Variants in BSG observed in about 807,000 individuals in gnomAD.
BSG encodes the protein basigin.
A neutral mutation model predicts 43.1 loss-of-function variants in BSG; 37 were observed. The ratio of observed to expected loss-of-function variants is 0.86; its 90% CI spans 0.66 to 1.13. The LOEUF is 1.13. Among genes scored for constraint, BSG ranks in the 50% most tolerant of loss-of-function variants. The pLI is 0.00. For synonymous variants in BSG, 309 were observed against 238.7 expected (o/e 1.29, Z -2.72); for missense variants, 599 against 554.2 (o/e 1.08, Z -0.81).
intron 2 of BSG, 95 bp downstream of exon 2, chr19:578,216 C>T: frequency 8.0e-7 from 1 of 1,242,856 alleles, no homozygotes. Context: ...GACGCCTCCT[C>T]CCCTCTCCGT....
In BSG at chr19:582,498, G is replaced by A. The variant is rs568153540; in HGVS notation, c.1095-16G>A. 24 of 1,606,254 alleles carry A rather than the reference G, an allele frequency of 1.5e-5. No homozygotes were observed. The highest frequency in any genetic ancestry group is 2.0e-5 in the Non-Finnish European group (24 of 1,177,278). ...CTTGCGGGGGACACCCTCTCACCCG[G>A]CCCCTCGTGCCCCAGGAAGAGCAGC... On this transcript the variant is annotated splice_polypyrimidine_tract_variant and intron_variant, in intron 7 of 8. Coordinates refer to ENST00000333511, the MANE Select transcript of BSG (RefSeq NM_001728.4).
upstream of BSG, chr19:571,623 A>C (rs747515269): frequency 1.3e-6 from 1 of 779,284 alleles, no homozygotes; most frequent in South Asian, 1.3e-5. Context: ...TCCAAATGGG[A>C]TATTTGGGGG....
At chr19:572,458 A>G (rs901823562), upstream of BSG, 5 of 1,158,464 alleles carry the variant, frequency 4.3e-6, no homozygotes, top group Non-Finnish European at 5.3e-6. Context: ...CGGCGCGTAC[A>G]TGCGAGCGTG....
intron 2 of BSG, chr19:578,920 C>T (rs976929281): frequency 4.2e-5 from 18 of 424,658 alleles, no homozygotes; most frequent in Admixed American, 1.3e-4. Context: ...TTAGAAGAGA[C>T]GGGGTTTCAC....
rs200263783 is a variant in BSG at position 580,663 on chromosome 19, G to C, written c.673G>C (p.Ala225Pro). The change falls in exon 5 of 9, where the codon GCT (alanine) becomes CCT (proline). Residue 225 changes from alanine to proline, a missense_variant. Ala to Pro is a conservative substitution (Grantham distance 27, BLOSUM62 -1). Transcript: ENST00000333511. Reference sequence around the variant, plus strand: ...CCTGTCAGGGCCTCCCAGAGTGAAGGCTGTGAAGTCGTCAGAACACATCAA... The same window carrying C: ...CCTGTCAGGGCCTCCCAGAGTGAAGCCTGTGAAGTCGTCAGAACACATCAA... ...IQLHGPPRVK[A>P]VKSSEHINEG... 7.4e-6 allele frequency: 12 copies of C among 1,612,744 alleles called. No individual in the cohort carries two copies. The highest frequency in any genetic ancestry group is 1.0e-5 in the Non-Finnish European group (12 of 1,179,980).
rs773490450 is a variant in BSG at position 582,593 on chromosome 19, C to T, written c.*5+11C>T. On this transcript the variant is annotated intron_variant, in intron 8 of 8. Coordinates refer to ENST00000333511, the MANE Select transcript of BSG (RefSeq NM_001728.4). ...CTCTTCCTGAGGCAGGTGCGGTGGG[C>T]GGGAGCTCCTCCTGAGCCAGGTGTG... 1.4e-4 allele frequency: 138 copies of T among 1,008,194 alleles called. No homozygotes were observed. The highest frequency in any genetic ancestry group is 5.1e-4 in the South Asian group (19 of 37,526). 62.5% of individuals were successfully genotyped at this position (1,008,194 alleles called of 1,614,324 possible). A position where few individuals can be genotyped will look rare whatever the true frequency, so the allele number is the denominator to read the frequency against.
At chr19:572,467 T>TGTGCGCGC (rs971691187), upstream of BSG, 33 of 1,164,518 alleles carry the variant, frequency 2.8e-5, no homozygotes, top group African/African-American at 8.1e-5. Flanking sequence ...CATGCGAGCG[T>TGTGCGCGC]GTGCGCGCGT....
At chr19:575,969 A>G (rs541648314) in intron 1 of BSG, among the ~76,000 whole-genome samples, 9 of 152,276 alleles carry the variant, frequency 5.9e-5, no homozygotes, top group African/African-American at 1.4e-4. Flanking sequence ...TGACACGTCA[A>G]TACACAGACA....
intron 1 of BSG, among the ~76,000 whole-genome samples, chr19:573,340 G>A (rs1600474437): frequency 6.6e-6 from 1 of 152,258 alleles, no homozygotes; most frequent in Non-Finnish European, 1.5e-5. Context: ...GAGACTCTCT[G>A]GGGCCCCCGC....
chr19:572,817 C>G, intron 1 of BSG, 116 bp downstream of exon 1: 1 of 1,202,446 alleles, frequency 8.3e-7, no homozygotes, highest in Non-Finnish European at 1.1e-6. Flanking sequence ...GCCTGGGGTG[C>G]GAAAGGCCGG....
chr19:579,704 C>T (rs369274639), intron 3 of BSG, 48 bp downstream of exon 3: 3 of 1,562,016 alleles, frequency 1.9e-6, no homozygotes, highest in South Asian at 1.2e-5. Context: ...TCTCACGGCT[C>T]TCTTGCCGCC....
chr19:571,770 C>T (rs55706133), upstream of BSG: 1,230 of 624,420 alleles, frequency 2.0e-3, 17 homozygotes, highest in East Asian at 0.025. Context: ...AGCTTCTGTT[C>T]CTCTGTCCTT....
At chr19:580,611 C>T (rs371272578) in intron 4 of BSG, 35 bp from the exon 5 acceptor site, 28 of 1,611,384 alleles carry the variant, frequency 1.7e-5, no homozygotes, top group East Asian at 2.2e-5. Context: ...GGCGGGCCTG[C>T]GGTTCCAGGC....
chr19:576,733 AGT>A (rs1981802554), intron 1 of BSG, among the ~76,000 whole-genome samples: 1 of 148,026 alleles, frequency 6.8e-6, no homozygotes, highest in Non-Finnish European at 1.5e-5. Context: ...TGCTGAACAG[AGT>A]GAGACTCTGT....
intron 5 of BSG, 29 bp downstream of exon 5, chr19:580,811 G>A (rs11879178): frequency 0.059 from 60,849 of 1,024,280 alleles, 8,391 homozygotes; most frequent in East Asian, 0.32. Flanking sequence ...TGGGGGTCCT[G>A]GACCCAGCCC....
At position 582,326 on chromosome 19, in the gene BSG, C is replaced by T. The variant is rs774338462; in HGVS notation, c.1090C>T (p.Pro364Ser). 6.3e-7 allele frequency: 1 copy of T among 1,598,982 alleles called. No homozygotes were observed. The highest frequency in any genetic ancestry group is 1.1e-5 in the South Asian group (1 of 88,916). The change falls in exon 7 of 9, where the codon CCC becomes TCC. Residue 364 changes from proline to serine, a missense_variant. Transcript: ENST00000333511. ...TTCAGATGACGACGCCGGCTCTGCA[C>T]CCCTGTAAGTTCCAGCTGTGGGGGT... ...VLDDDDAGSA[P>S]LKSSGQHQND...
Position 578,323 on chromosome 19 carries a change from T to C in BSG, c.415+202T>C, listed in dbSNP as rs1981968971. On this transcript the variant is annotated intron_variant, in intron 2 of 8. Transcript: ENST00000333511. ...GACCACCAGCGCTGGGCGGCCTGGCTCGGGGCAGGCAGGGCTCTGCCCTCC... is the reference window on the plus strand; with the variant it reads ...GACCACCAGCGCTGGGCGGCCTGGCCCGGGGCAGGCAGGGCTCTGCCCTCC... 1.8e-5 allele frequency: 9 copies of C among 495,188 alleles called. No individual in the cohort carries two copies. In the South Asian group the frequency reaches 3.3e-4, roughly 18 times the overall value. 30.7% of individuals were successfully genotyped at this position (495,188 alleles called of 1,614,324 possible). A position where few individuals can be genotyped will look rare whatever the true frequency, so the allele number is the denominator to read the frequency against.
chr19:577,561 C>A (rs1981882207), intron 1 of BSG, among the ~76,000 whole-genome samples: 1 of 152,216 alleles, frequency 6.6e-6, no homozygotes, highest in Non-Finnish European at 1.5e-5. Context: ...CAGAAGCCGC[C>A]GTGGCTGCCG....
intron 1 of BSG, 141 bp downstream of exon 1, chr19:572,842 C>A: frequency 9.6e-7 from 1 of 1,041,424 alleles, no homozygotes; most frequent in South Asian, 3.2e-5. Context: ...GGGGGCTTCC[C>A]GCGCCAGCAT....
Sources: gnomAD v4.1 joint callset for allele counts (sites outside exome capture counted in the v4.1 genomes callset) on GRCh38, gnomAD v4.1.1 for gene constraint, MANE v1.5 for transcripts, NCBI Gene and HGNC (gene_info 2026-07-23, HGNC 2026-07-21) for gene names.